Variants in GPR39 observed in about 807,000 individuals in gnomAD.
The protein encoded by GPR39 is G protein-coupled receptor 39.
Under a neutral mutation model 18.4 loss-of-function variants are expected in GPR39, and 23 were observed. The observed-to-expected ratio is 1.25, with a 90% confidence interval of 0.90 to 1.77. The LOEUF (loss-of-function observed/expected upper bound fraction) is 1.77, where lower values mean the gene tolerates loss of function less well. GPR39 is among the 40% of genes most tolerant of loss of function. The pLI is 0.00. For synonymous variants in GPR39, 280 were observed against 257.9 expected (o/e 1.09, Z -0.82); for missense variants, 647 against 602.4 (o/e 1.07, Z -0.78).
intron 1 of GPR39, among the ~76,000 whole-genome samples, chr2:132,628,606 TTTTTTCTCC>T (rs1214355041): frequency 3.9e-5 from 6 of 152,158 alleles, no homozygotes; most frequent in Admixed American, 6.5e-5. Context: ...AGGATAACTG[TTTTTTCTCC>T]TTTAAGTTTG....
At chr2:132,515,987 AT>A (rs1458323685) in intron 1 of GPR39, among the ~76,000 whole-genome samples, 1 of 151,996 alleles carries the variant, frequency 6.6e-6, no homozygotes, top group Non-Finnish European at 1.5e-5. Context: ...AATTTGTATT[AT>A]TTTCTCCTGT....
chr2:132,638,795 G>A (rs1681811124), intron 1 of GPR39, among the ~76,000 whole-genome samples: 2 of 152,200 alleles, frequency 1.3e-5, no homozygotes. Flanking sequence ...AATGTCAGTT[G>A]ACAAGCAGAT....
chr2:132,499,683 C>T (rs1402531996), intron 1 of GPR39, among the ~76,000 whole-genome samples: 1 of 152,130 alleles, frequency 6.6e-6, no homozygotes, highest in Non-Finnish European at 1.5e-5. Context: ...AATATTGATT[C>T]TACCCATCCA....
At chr2:132,423,304 C>T (rs1430292416) in intron 1 of GPR39, among the ~76,000 whole-genome samples, 1 of 150,168 alleles carries the variant, frequency 6.7e-6, no homozygotes, top group Admixed American at 6.6e-5. Context: ...ATGTGTTCTC[C>T]TGGTGTCTCT....
Position 132,559,491 on chromosome 2 carries a change from C to G in GPR39, c.857-85610C>G, listed in dbSNP as rs573055124. On this transcript the variant is annotated intron_variant, in intron 1 of 1. Transcript: ENST00000329321. ...ATTCAGTGAACACATAAACACCTTACTGAGCACTGACTTCACGTGTCAGTG... is the reference window on the plus strand; with the variant it reads ...ATTCAGTGAACACATAAACACCTTAGTGAGCACTGACTTCACGTGTCAGTG... 9.2e-5 allele frequency among the ~76,000 whole-genome samples: 14 copies of G among 152,144 alleles called. No homozygotes were observed. In the South Asian group the frequency reaches 2.9e-3, roughly 32 times the overall value.
intron 1 of GPR39, among the ~76,000 whole-genome samples, chr2:132,470,356 A>G (rs1391717267): frequency 6.6e-6 from 1 of 152,068 alleles, no homozygotes; most frequent in African/African-American, 2.4e-5. Context: ...ACATTGCAAC[A>G]AGTCTTGAGG....
chr2:132,553,766 C>T (rs1483826788), intron 1 of GPR39, among the ~76,000 whole-genome samples: 1 of 152,072 alleles, frequency 6.6e-6, no homozygotes. Flanking sequence ...GAACCCAGAC[C>T]ACCTGGCTTG....
chr2:132,581,789 T>C lies in GPR39; in HGVS notation c.857-63312T>C, dbSNP rs562936510. ...AGAATTATCACCTTCAAGAAGCTTT[T>C]ATTCAGTGGCTAATGAAGTATGGTG... On this transcript the variant is annotated intron_variant, in intron 1 of 1. Transcript: ENST00000329321. Among the ~76,000 whole-genome samples, 20 of 152,348 alleles carry C rather than the reference T, an allele frequency of 1.3e-4. No individual in the cohort carries two copies. The South Asian group carries it at 3.9e-3, about 30-fold the overall frequency.
At chr2:132,469,516 C>G (rs1211322485) in intron 1 of GPR39, among the ~76,000 whole-genome samples, 2 of 152,202 alleles carry the variant, frequency 1.3e-5, no homozygotes, top group East Asian at 3.9e-4. Flanking sequence ...ACTTTAGAAA[C>G]AGGCAGAGAG....
chr2:132,645,789 C>T lies in GPR39; in HGVS notation c.*183C>T, dbSNP rs948575613. The T allele has an allele frequency of 4.4e-5, 37 of 840,068 alleles. No homozygotes were observed. Among genetic ancestry groups the T allele is most frequent in the South Asian group, 1.7e-4 (9 of 53,416 alleles). The allele number at this position is 840,068 out of a possible 1,614,324, so 52.0% of individuals were successfully genotyped here. On this transcript the variant is annotated 3_prime_UTR_variant, in exon 2 of 2. Coordinates refer to ENST00000329321, the MANE Select transcript of GPR39 (RefSeq NM_001508.3). ...GACTCTGCCAGCCTGGCCTTGACTC[C>T]GGTTACACAGACATGGGGGTGAACT...
chr2:132,637,466 C>T (rs771252297), intron 1 of GPR39, among the ~76,000 whole-genome samples: 4 of 152,198 alleles, frequency 2.6e-5, no homozygotes, highest in Non-Finnish European at 4.4e-5. Flanking sequence ...GACATCAAAC[C>T]GTCTGTCTTC....
chr2:132,518,801 T>C (rs900575770), intron 1 of GPR39, among the ~76,000 whole-genome samples: 4 of 152,244 alleles, frequency 2.6e-5, no homozygotes, highest in African/African-American at 9.6e-5. Flanking sequence ...GTAAACAATA[T>C]AAAAATATTA....
Position 132,418,856 on chromosome 2 carries a change from G to A in GPR39, c.856+958G>A, listed in dbSNP as rs562580822. On this transcript the variant is annotated intron_variant, in intron 1 of 1. Transcript: ENST00000329321. ...GTATTGTGCGTGTGTGAATCAAAAA[G>A]GAATAGATATAACAAACATTTCCCT... 5.9e-5 allele frequency among the ~76,000 whole-genome samples: 9 copies of A among 152,258 alleles called. 1 individual carries two copies. The South Asian group carries it at 1.9e-3, about 32-fold the overall frequency.
intron 1 of GPR39, among the ~76,000 whole-genome samples, chr2:132,535,006 A>AC (rs1679725891): frequency 6.6e-6 from 1 of 150,930 alleles, no homozygotes; most frequent in Non-Finnish European, 1.5e-5. Context: ...TAAAAAAAAA[A>AC]CATGTCATCT....
At position 132,579,771 on chromosome 2, in the gene GPR39, C is replaced by T. The variant is rs974191400; in HGVS notation, c.857-65330C>T. ...ACAAATGTCTTTTGGAGTCTGTTGACAAATTATATAATTTTCTCCTCTGAC... is the reference window on the plus strand; with the variant it reads ...ACAAATGTCTTTTGGAGTCTGTTGATAAATTATATAATTTTCTCCTCTGAC... On this transcript the variant is annotated intron_variant, in intron 1 of 1. Transcript: ENST00000329321. 1.4e-4 allele frequency among the ~76,000 whole-genome samples: 22 copies of T among 152,100 alleles called. No homozygotes were observed. The South Asian group carries it at 4.6e-3, about 32-fold the overall frequency.
rs746582710 is a variant in GPR39 at position 132,417,873 on chromosome 2, C to G, written c.831C>G (p.Ala277=). The change falls in exon 1 of 2, where the codon GCC becomes GCG. Residue 277 remains alanine (A), a synonymous_variant. Coordinates refer to ENST00000329321, the MANE Select transcript of GPR39 (RefSeq NM_001508.3). ...RKSESEESRT[A]RRQTIIFLRL... is the part of the protein sequence containing the mutation. ...CCGAGAGCGAAGAGAGCAGGACCGC[C>G]AGGAGGCAGACCATCATCTTCCTGA... The G allele has an allele frequency of 4.4e-5, 70 of 1,596,736 alleles. 2 individuals carry two copies. The South Asian group carries it at 7.6e-4, about 17-fold the overall frequency.
chr2:132,477,344 G>A (rs1439572379), intron 1 of GPR39, among the ~76,000 whole-genome samples: 1 of 152,122 alleles, frequency 6.6e-6, no homozygotes, highest in Non-Finnish European at 1.5e-5. Flanking sequence ...TGGAGGACAG[G>A]GGTGGGAGAC....
intron 1 of GPR39, among the ~76,000 whole-genome samples, chr2:132,559,272 G>A (rs1043713248): frequency 6.6e-6 from 1 of 152,156 alleles, no homozygotes; most frequent in Non-Finnish European, 1.5e-5. Context: ...ATATGGCTTT[G>A]TAAATTTTTG....
At chr2:132,471,368 A>G (rs1192105564) in intron 1 of GPR39, among the ~76,000 whole-genome samples, 3 of 152,182 alleles carry the variant, frequency 2.0e-5, no homozygotes, top group Non-Finnish European at 2.9e-5. Flanking sequence ...GAGTGCCTAA[A>G]GTGGCCACAT....
Sources: allele counts gnomAD v4.1 joint callset (sites outside exome capture counted in the v4.1 genomes callset), GRCh38; gene constraint gnomAD v4.1.1; transcripts MANE v1.5; gene names NCBI Gene and HGNC (gene_info 2026-07-23, HGNC 2026-07-21).